PDZD2: variants seen among roughly 807,000 people sequenced by gnomAD.
PDZD2 encodes PDZ domain containing 2.
Under a neutral mutation model 220.7 loss-of-function variants are expected in PDZD2, and 90 were observed. The ratio of observed to expected loss-of-function variants is 0.41; its 90% CI spans 0.34 to 0.49. PDZD2 has a LOEUF of 0.49. Ranked by LOEUF, PDZD2 falls within the 20% of genes least tolerant of loss-of-function variation. The pLI, the probability that PDZD2 is intolerant of heterozygous loss-of-function variation, is 0.28. For synonymous variants in PDZD2, 1,375 were observed against 1,450.5 expected (o/e 0.95, Z 1.18); for missense variants, 3,174 against 3,608.5 (o/e 0.88, Z 3.08).
chr5:31,938,710 C>T (rs1257161884), intron 2 of PDZD2, among the ~76,000 whole-genome samples: 1 of 152,104 alleles, frequency 6.6e-6, no homozygotes, highest in Admixed American at 6.5e-5. Flanking sequence ...CAGCTGAATA[C>T]CATGTTTTCT....
intron 1 of PDZD2, among the ~76,000 whole-genome samples, chr5:31,663,187 C>T (rs1210045488): frequency 6.6e-6 from 1 of 152,168 alleles, no homozygotes; most frequent in Non-Finnish European, 1.5e-5. Flanking sequence ...GAATAAGTTC[C>T]ATTAATAGTA....
Position 31,765,019 on chromosome 5 carries a change from G to A in PDZD2, c.-360-33870G>A, listed in dbSNP as rs1580710806. On this transcript the variant is annotated intron_variant, in intron 1 of 24. Coordinates refer to ENST00000438447, the MANE Select transcript of PDZD2 (RefSeq NM_178140.4). The stretch of plus-strand genomic sequence containing the variant: ...TTGAACCCGGGAGGTGGAGTTTGCA[G>A]TGAGCCGAGATCACGCTACTGCACT... Among the ~76,000 whole-genome samples, 3 of 152,158 alleles carry A rather than the reference G, an allele frequency of 2.0e-5. No homozygotes were observed. In the East Asian group the frequency reaches 5.8e-4, roughly 29 times the overall value.
At chr5:31,898,348 A>T (rs1432077241) in intron 2 of PDZD2, among the ~76,000 whole-genome samples, 4 of 152,248 alleles carry the variant, frequency 2.6e-5, no homozygotes, top group African/African-American at 9.6e-5. Context: ...CTGGTAGATT[A>T]GGCTCCTCCA....
chr5:31,983,484 GC>G lies in PDZD2; in HGVS notation c.809del (p.Pro270GlnfsTer12). On this transcript the variant is annotated frameshift_variant, in exon 3 of 25. Transcript: ENST00000438447. LOFTEE classifies it high-confidence loss of function. Reference protein sequence around the residue: ...GNGHVFQLENGPDSLKEVAGP... With the variant: ...GNGHVFQLENXPDSLKEVAGP... ...GGCCATGTCTTTCAGCTAGAAAATG[GC>G]CCAGATTCTCTCAAGGAGGTGGCTG... 6.2e-7 allele frequency: 1 copy of G among 1,614,136 alleles called. No homozygotes were observed. The highest frequency in any genetic ancestry group is 8.5e-7 in the Non-Finnish European group (1 of 1,180,022).
intron 1 of PDZD2, among the ~76,000 whole-genome samples, chr5:31,659,043 G>A (rs1028507073): frequency 5.3e-5 from 8 of 152,098 alleles, no homozygotes; most frequent in African/African-American, 1.7e-4. Context: ...GCCTCCCAGT[G>A]AATCTTTTCC....
chr5:31,863,926 A>G (rs1245238666), intron 2 of PDZD2, among the ~76,000 whole-genome samples: 1 of 152,212 alleles, frequency 6.6e-6, no homozygotes, highest in Non-Finnish European at 1.5e-5. Context: ...ACAGATATAT[A>G]TATGCATGTG....
chr5:31,925,204 C>T (rs62363764), intron 2 of PDZD2, among the ~76,000 whole-genome samples: 2 of 152,066 alleles, frequency 1.3e-5, no homozygotes, highest in Non-Finnish European at 2.9e-5. Context: ...ACATTACCTG[C>T]CTTCAGACTA....
In PDZD2 at chr5:32,049,411, A is replaced by G. The variant is rs568269684; in HGVS notation, c.1665+727A>G. The stretch of plus-strand genomic sequence containing the variant: ...CCGTTAGCAGCTTGTCCCCAGCCCT[A>G]TGATGAAGCAGAGATAGAGGACGGG... On this transcript the variant is annotated intron_variant, in intron 8 of 24. Transcript: ENST00000438447. 2.1e-3 allele frequency among the ~76,000 whole-genome samples: 320 copies of G among 152,304 alleles called. 1 individual carries two copies. Among genetic ancestry groups the G allele is most frequent in the African/African-American group, 7.2e-3 (299 of 41,566 alleles).
chr5:32,019,195 G>A (rs1206944080), intron 6 of PDZD2, among the ~76,000 whole-genome samples: 3 of 139,528 alleles, frequency 2.2e-5, no homozygotes, highest in South Asian at 2.4e-4. Flanking sequence ...AGTCTGGAGT[G>A]CAATGGCACA....
chr5:32,008,568 A>C (rs927394810), intron 5 of PDZD2, among the ~76,000 whole-genome samples: 3 of 152,178 alleles, frequency 2.0e-5, no homozygotes, highest in African/African-American at 7.2e-5. Flanking sequence ...TACAGGCATG[A>C]GCCACTGCGC....
chr5:31,782,707 A>ATTT (rs34166035), intron 1 of PDZD2, among the ~76,000 whole-genome samples: 1,087 of 96,466 alleles, frequency 0.011, 36 homozygotes, highest in African/African-American at 0.037. Context: ...ACCACTTTAG[A>ATTT]TTTTTTTTTT....
chr5:32,078,268 G>T (rs373113664), intron 19 of PDZD2, among the ~76,000 whole-genome samples: 3 of 152,304 alleles, frequency 2.0e-5, no homozygotes, highest in African/African-American at 7.2e-5. Context: ...CAAGTGAAAT[G>T]ATACTGAAAA....
intron 1 of PDZD2, among the ~76,000 whole-genome samples, chr5:31,792,112 C>T (rs990036250): frequency 2.0e-5 from 3 of 152,130 alleles, no homozygotes; most frequent in African/African-American, 7.2e-5. Context: ...ATTGCCACTC[C>T]CAACAAAATA....
chr5:32,090,879 G>T lies in PDZD2; in HGVS notation c.7431G>T (p.Val2477=). Residue 2477 remains valine, a synonymous_variant, in exon 20 of 25, where the codon GTG becomes GTT. Coordinates refer to ENST00000438447, the MANE Select transcript of PDZD2 (RefSeq NM_178140.4). The surrounding 1 kb of genome is among the most constrained non-coding windows in gnomAD (Gnocchi z 4.3). ...TACGCCACACGCAGCCCTCGCCCGT[G>T]TCCCGCTCCAAGCTCCAGGAGCTGA... The part of the protein sequence containing the change: ...SSVRHTQPSP[V]SRSKLQELRA... 2 of 1,614,024 alleles carry T rather than the reference G, an allele frequency of 1.2e-6. No homozygotes were observed. The highest frequency in any genetic ancestry group is 1.1e-5 in the South Asian group (1 of 91,080).
At chr5:31,865,091 C>A (rs181032110) in intron 2 of PDZD2, among the ~76,000 whole-genome samples, 1 of 152,012 alleles carries the variant, frequency 6.6e-6, no homozygotes, top group South Asian at 2.1e-4. Flanking sequence ...TCGTGATCCG[C>A]CCGCCTCAGC....
chr5:31,663,213 A>G (rs1287319421), intron 1 of PDZD2, among the ~76,000 whole-genome samples: 2 of 152,248 alleles, frequency 1.3e-5, no homozygotes, highest in Non-Finnish European at 2.9e-5. Context: ...CTTGCAAGGC[A>G]TGAAAAATTC....
chr5:31,930,196 C>CTT lies in PDZD2; in HGVS notation c.477-52932_477-52931dup, dbSNP rs760145512. On this transcript the variant is annotated intron_variant, in intron 2 of 24. Transcript: ENST00000438447. ...TGTACATTACCCAGTCTCAGGTATT[C>CTT]TTTTTTTTTTTTTTTTTTTTTTTTT... is the stretch of plus-strand genomic sequence containing the variant. Among the ~76,000 whole-genome samples the CTT allele has an allele frequency of 2.2e-4, 23 of 102,526 alleles. 2 individuals carry two copies. Among genetic ancestry groups the CTT allele is most frequent in the African/African-American group, 6.3e-4 (16 of 25,324 alleles). The allele number at this position is 102,526 out of a possible 152,430, so 67.3% of individuals were successfully genotyped here.
At chr5:32,084,806 A>G (rs976126648) in intron 19 of PDZD2, among the ~76,000 whole-genome samples, 2 of 152,046 alleles carry the variant, frequency 1.3e-5, no homozygotes, top group Admixed American at 1.3e-4. Context: ...GCAGGGCCTT[A>G]TGAACAGGCA....
intron 2 of PDZD2, among the ~76,000 whole-genome samples, chr5:31,898,374 C>A (rs571970559): frequency 6.6e-6 from 1 of 152,216 alleles, no homozygotes; most frequent in Admixed American, 6.5e-5. Flanking sequence ...TTGCCAGGGA[C>A]GGACAAAGGA....
Sources: gnomAD v4.1 joint callset for allele counts (sites outside exome capture counted in the v4.1 genomes callset) on GRCh38, gnomAD v4.1.1 for gene constraint, Gnocchi (gnomAD v3.1) non-coding constraint, MANE v1.5 for transcripts, NCBI Gene and HGNC (gene_info 2026-07-23, HGNC 2026-07-21) for gene names.